The following DOCK10 variants were observed in gnomAD, a reference collection of about 807,000 sequenced individuals.
DOCK10 encodes dedicator of cytokinesis protein 10.
Under a neutral mutation model 280.1 loss-of-function variants are expected in DOCK10, and 145 were observed. The ratio of observed to expected loss-of-function variants is 0.52; its 90% CI spans 0.45 to 0.59. The LOEUF (loss-of-function observed/expected upper bound fraction) is 0.59, where lower values mean the gene tolerates loss of function less well. DOCK10 is among the 20% of genes least tolerant of loss of function. The pLI is 0.00. For missense variants in DOCK10, 2,368 were observed against 2,651.7 expected (o/e 0.89, Z 2.35); for synonymous variants, 915 against 942.2 (o/e 0.97, Z 0.53).
intron 1 of DOCK10, among the ~76,000 whole-genome samples, chr2:225,025,238 A>C (rs1689889102): frequency 1.3e-5 from 2 of 152,166 alleles, no homozygotes; most frequent in Non-Finnish European, 2.9e-5. Context: ...AGGCAGGAGA[A>C]AGACCAAATT....
At chr2:224,944,311 G>A (rs1397038941) in intron 1 of DOCK10, among the ~76,000 whole-genome samples, 1 of 152,206 alleles carries the variant, frequency 6.6e-6, no homozygotes, top group Admixed American at 6.5e-5. Flanking sequence ...CTGTAGTCCA[G>A]TGACTTCGAC....
chr2:224,823,708 T>C, intron 27 of DOCK10, 61 bp from the exon 28 acceptor site: 1 of 1,435,030 alleles, frequency 7.0e-7, no homozygotes, highest in Non-Finnish European at 9.3e-7. Context: ...GCCGAGGAAG[T>C]ATCAACTGAA....
At chr2:224,824,046 C>T (rs985971583) in intron 27 of DOCK10, among the ~76,000 whole-genome samples, 3 of 152,124 alleles carry the variant, frequency 2.0e-5, no homozygotes, top group African/African-American at 7.2e-5. Context: ...ATATTTTGGA[C>T]ATGTAGTTCT....
chr2:224,874,609 G>A lies in DOCK10; in HGVS notation c.1017+57C>T, dbSNP rs962404398. ...AAGCATTTACGTCTTTTCCATGAAAGCAATAACTAACAAATAATTCAAATT... is the reference window on the plus strand; with the variant it reads ...AAGCATTTACGTCTTTTCCATGAAAACAATAACTAACAAATAATTCAAATT... On this transcript the variant is annotated intron_variant, in intron 9 of 55. Coordinates refer to ENST00000258390, the MANE Select transcript of DOCK10 (RefSeq NM_014689.3). The A allele has an allele frequency of 1.6e-5, 24 of 1,485,544 alleles. No individual in the cohort carries two copies. The Admixed American group carries it at 3.9e-4, about 24-fold the overall frequency. 92.0% of individuals were successfully genotyped at this position (1,485,544 alleles called of 1,614,324 possible).
chr2:225,023,292 T>C (rs1327683814), intron 1 of DOCK10, among the ~76,000 whole-genome samples: 1 of 152,138 alleles, frequency 6.6e-6, no homozygotes, highest in African/African-American at 2.4e-5. Flanking sequence ...CATCTTGGCC[T>C]CCCAAATTGC....
chr2:225,001,285 A>G (rs1297637621), intron 1 of DOCK10, among the ~76,000 whole-genome samples: 1 of 135,456 alleles, frequency 7.4e-6, no homozygotes, highest in East Asian at 2.0e-4. Flanking sequence ...AATATACAAC[A>G]GACCTTTTTT....
At chr2:224,841,994 G>A in intron 22 of DOCK10, 98 bp from the exon 23 acceptor site, 1 of 857,780 alleles carries the variant, frequency 1.2e-6, no homozygotes, top group Admixed American at 1.9e-5. Context: ...CTGTAGGATT[G>A]ATGCCTCGAA....
intron 7 of DOCK10, among the ~76,000 whole-genome samples, chr2:224,880,814 C>A (rs989552849): frequency 2.0e-5 from 3 of 152,094 alleles, no homozygotes; most frequent in African/African-American, 7.2e-5. Context: ...TTTAATTATA[C>A]CTATTATGTG....
At chr2:224,921,112 A>ATATATATATAT (rs1553613961) in intron 2 of DOCK10, among the ~76,000 whole-genome samples, 7 of 54,412 alleles carry the variant, frequency 1.3e-4, no homozygotes, top group African/African-American at 7.9e-4. Context: ...AAAAAAAAAA[A>ATATATATATAT]ATATATATAT....
intron 1 of DOCK10, among the ~76,000 whole-genome samples, chr2:225,014,130 T>C (rs1369314674): frequency 7.4e-6 from 1 of 135,698 alleles, no homozygotes; most frequent in East Asian, 2.4e-4. Flanking sequence ...GGTTAAAAAC[T>C]CATCAGAAAC....
chr2:224,802,003 G>A lies in DOCK10; in HGVS notation c.4306C>T (p.His1436Tyr), dbSNP rs764026043. ...STSSHEGHKQ[H>Y]RSQTLPIIRG... ...ATTATAGGTAAAGTTTGTGATCTGT[G>A]CTGCTTATGGCCTTCATGACTGGAA... The change falls in exon 40 of 56, where the codon CAC (histidine) becomes TAC (tyrosine). Residue 1436 changes from histidine to tyrosine, a missense_variant. His to Tyr is a moderately conservative substitution (Grantham distance 83, BLOSUM62 2). Around this residue, in one of 2 missense-constraint regions of DOCK10, gnomAD observed 1,159 missense variants for 1,400.8 expected, o/e 0.83. Coordinates refer to ENST00000258390, the MANE Select transcript of DOCK10 (RefSeq NM_014689.3). 57 of 1,612,946 alleles carry A rather than the reference G, an allele frequency of 3.5e-5. No individual in the cohort carries two copies. The highest frequency in any genetic ancestry group is 4.6e-5 in the Non-Finnish European group (54 of 1,179,324).
At chr2:224,874,515 G>T in intron 9 of DOCK10, 151 bp downstream of exon 9, 1 of 899,280 alleles carries the variant, frequency 1.1e-6, no homozygotes, top group Non-Finnish European at 1.7e-6. Flanking sequence ...AGCCCTATGT[G>T]TATGTTAATG....
chr2:224,858,946 G>A (rs1697325120), intron 14 of DOCK10, among the ~76,000 whole-genome samples: 1 of 152,216 alleles, frequency 6.6e-6, no homozygotes, highest in Non-Finnish European at 1.5e-5. Context: ...GAATAACCAT[G>A]ATGTGCAGAA....
chr2:224,989,742 A>C (rs993617194), intron 1 of DOCK10, among the ~76,000 whole-genome samples: 2 of 152,204 alleles, frequency 1.3e-5, no homozygotes, highest in Non-Finnish European at 2.9e-5. Flanking sequence ...AGTGGAAAAC[A>C]CAACCCAGTG....
intron 1 of DOCK10, among the ~76,000 whole-genome samples, chr2:225,033,673 C>G (rs1459000995): frequency 6.6e-6 from 1 of 152,152 alleles, no homozygotes; most frequent in Non-Finnish European, 1.5e-5. Flanking sequence ...GCATTTATTT[C>G]CAGCCTGCTA....
At chr2:225,014,101 T>G (rs1175255398) in intron 1 of DOCK10, among the ~76,000 whole-genome samples, 3 of 148,070 alleles carry the variant, frequency 2.0e-5, no homozygotes, top group East Asian at 3.9e-4. Flanking sequence ...TTTTTTTGTT[T>G]TTTTTTTTAA....
chr2:225,018,208 T>C (rs963637319), intron 1 of DOCK10, among the ~76,000 whole-genome samples: 2 of 152,154 alleles, frequency 1.3e-5, no homozygotes, highest in Non-Finnish European at 2.9e-5. Flanking sequence ...GTCTGTAGTC[T>C]CCTGTATTCT....
chr2:224,879,096 G>C (rs1698818207), intron 7 of DOCK10, among the ~76,000 whole-genome samples: 1 of 152,194 alleles, frequency 6.6e-6, no homozygotes, highest in Non-Finnish European at 1.5e-5. Context: ...AGAAGTATGT[G>C]GACAAGTAAA....
intron 1 of DOCK10, among the ~76,000 whole-genome samples, chr2:224,961,462 C>CTTTCTTTCTTTCTTTCTT (rs1559873990): frequency 8.1e-6 from 1 of 123,652 alleles, no homozygotes; most frequent in African/African-American, 2.9e-5. Flanking sequence ...TTCTTTCTTT[C>CTTTCTTTCTTTCTTTCTT]TTTCTTTTTC....
Sources: gnomAD v4.1 joint callset for allele counts (sites outside exome capture counted in the v4.1 genomes callset) on GRCh38, gnomAD v4.1.1 for gene constraint, gnomAD v4.1.1 regional missense constraint, MANE v1.5 for transcripts, NCBI Gene and HGNC (gene_info 2026-07-23, HGNC 2026-07-21) for gene names.